Variants in GRIA2 observed in about 807,000 individuals in gnomAD.
GRIA2 encodes glutamate ionotropic receptor AMPA type subunit 2.
In GRIA2, 14 loss-of-function variants were observed where a neutral mutation model predicts 97.3. The ratio of observed to expected loss-of-function variants is 0.14; its 90% CI spans 0.10 to 0.23. GRIA2 has a LOEUF of 0.23. GRIA2 is among the 10% of genes least tolerant of loss of function. The pLI, the probability that GRIA2 is intolerant of heterozygous loss-of-function variation, is 1.00. For missense variants in GRIA2, 558 were observed against 1,069.8 expected (o/e 0.52, Z 6.67); for synonymous variants, 412 against 387.8 (o/e 1.06, Z -0.73).
chr4:157,276,628 A>C (rs1290766236), intron 2 of GRIA2, among the ~76,000 whole-genome samples: 1 of 151,862 alleles, frequency 6.6e-6, no homozygotes, highest in Non-Finnish European at 1.5e-5. Flanking sequence ...CAGTAATATC[A>C]ATCAGCTTCT....
chr4:157,245,982 C>T (rs1383863811), intron 2 of GRIA2, among the ~76,000 whole-genome samples: 1 of 152,018 alleles, frequency 6.6e-6, no homozygotes. Context: ...TCATATACAA[C>T]CTCATTCCAA....
chr4:157,240,637 C>T (rs1334591605), intron 2 of GRIA2, among the ~76,000 whole-genome samples: 2 of 151,914 alleles, frequency 1.3e-5, no homozygotes, highest in East Asian at 3.9e-4. Context: ...GTTGTCTGAA[C>T]CCGTCGATTT....
At chr4:157,295,850 T>G (rs1295107158) in intron 2 of GRIA2, among the ~76,000 whole-genome samples, 1 of 152,160 alleles carries the variant, frequency 6.6e-6, no homozygotes, top group African/African-American at 2.4e-5. Flanking sequence ...AATAATTGTA[T>G]TTTTAGGGGA....
At chr4:157,336,346 G>A in intron 10 of GRIA2, 31 bp from the exon 11 acceptor site, 1 of 1,495,648 alleles carries the variant, frequency 6.7e-7, no homozygotes, top group Non-Finnish European at 9.0e-7. Context: ...ATGACTCCAG[G>A]TACTATTACT....
At chr4:157,299,973 A>C (rs952813908) in intron 2 of GRIA2, among the ~76,000 whole-genome samples, 4 of 152,140 alleles carry the variant, frequency 2.6e-5, no homozygotes, top group Non-Finnish European at 4.4e-5. Flanking sequence ...ATGAGGATTC[A>C]TGTTTCTTTC....
At chr4:157,286,760 T>G (rs1386624733) in intron 2 of GRIA2, among the ~76,000 whole-genome samples, 1 of 151,564 alleles carries the variant, frequency 6.6e-6, no homozygotes, top group African/African-American at 2.4e-5. Flanking sequence ...AGGTTACAAT[T>G]TATTTTCTCC....
At chr4:157,267,804 G>A (rs1226532651) in intron 2 of GRIA2, among the ~76,000 whole-genome samples, 2 of 152,008 alleles carry the variant, frequency 1.3e-5, no homozygotes, top group African/African-American at 2.4e-5. Flanking sequence ...TGAGTAACAA[G>A]TTTCTGGATT....
intron 10 of GRIA2, 57 bp from the exon 11 acceptor site, chr4:157,336,320 C>A (rs545329654): frequency 6.6e-6 from 9 of 1,365,822 alleles, no homozygotes; most frequent in Non-Finnish European, 9.0e-6. Flanking sequence ...GACATAACCA[C>A]GATTCCTTTT....
At position 157,359,993 on chromosome 4, in the gene GRIA2, T is replaced by C. The variant is rs1736564794; in HGVS notation, c.2141T>C (p.Val714Ala). 1.2e-6 allele frequency: 2 copies of C among 1,613,584 alleles called. No homozygotes were observed. Among genetic ancestry groups the C allele is most frequent in the African/African-American group, 1.3e-5 (1 of 74,792 alleles). The change falls in exon 13 of 16, where the codon GTG (valine) becomes GCG (alanine). Residue 714 changes from valine to alanine, a missense_variant. Coordinates refer to ENST00000264426, the MANE Select transcript of GRIA2 (RefSeq NM_001083619.3). ...ACTACGGCCGAAGGGGTGGCTAGAG[T>C]GCGGAAGTCCAAAGGGAAATATGCC... is the stretch of plus-strand genomic sequence containing the variant. Reference protein sequence around the residue: ...VRTTAEGVARVRKSKGKYAYL... With the variant: ...VRTTAEGVARARKSKGKYAYL...
intron 4 of GRIA2, 136 bp downstream of exon 4, chr4:157,313,011 A>G: frequency 2.1e-6 from 1 of 479,218 alleles, no homozygotes; most frequent in Non-Finnish European, 3.7e-6. Flanking sequence ...AGCAAAGATC[A>G]TCAATTAAAT....
At chr4:157,362,101 C>A (rs1479074696) in intron 14 of GRIA2, among the ~76,000 whole-genome samples, 1 of 152,056 alleles carries the variant, frequency 6.6e-6, no homozygotes, top group East Asian at 1.9e-4. Context: ...TATTGAATGG[C>A]AAAGCTTTGT....
At chr4:157,302,423 A>C in intron 2 of GRIA2, among the ~76,000 whole-genome samples, 1 of 152,176 alleles carries the variant, frequency 6.6e-6, no homozygotes, top group East Asian at 1.9e-4. Context: ...CTAGTTGGGT[A>C]AGATAAGCCA....
chr4:157,345,827 G>A (rs1735741381), intron 12 of GRIA2, among the ~76,000 whole-genome samples: 2 of 151,954 alleles, frequency 1.3e-5, no homozygotes, highest in Admixed American at 6.6e-5. Context: ...GATAATTTTG[G>A]AAGAAAAAAA....
chr4:157,221,988 C>A (rs557556802), intron 2 of GRIA2, among the ~76,000 whole-genome samples, 181 bp downstream of exon 2: 1 of 150,028 alleles, frequency 6.7e-6, no homozygotes, highest in South Asian at 2.1e-4. Context: ...ATCTCAGGGA[C>A]CCCCGCTGGC....
At chr4:157,313,759 ATATGCATATATGTACATATATATG>A (rs1734190191) in intron 4 of GRIA2, among the ~76,000 whole-genome samples, 4 of 151,852 alleles carry the variant, frequency 2.6e-5, no homozygotes, top group Admixed American at 6.6e-5. Flanking sequence ...GTGTGTATAC[ATATGCATATATGTACATATATATG>A]TGCACATATA....
chr4:157,363,795 G>A lies in GRIA2; in HGVS notation c.*364G>A. ...TCTACTCGAGTTACAGACAAAGCGT[G>A]GTGGACATGCACAGCTAACATGGAA... On this transcript the variant is annotated 3_prime_UTR_variant, in exon 16 of 16. Transcript: ENST00000264426. 2.7e-6 allele frequency: 1 copy of A among 367,126 alleles called. No homozygotes were observed. The allele number at this position is 367,126 out of a possible 1,614,324, so 22.7% of individuals were successfully genotyped here. A position where few individuals can be genotyped will look rare whatever the true frequency, so the allele number is the denominator to read the frequency against.
intron 12 of GRIA2, among the ~76,000 whole-genome samples, chr4:157,357,138 T>G (rs1295930834): frequency 1.3e-5 from 2 of 152,180 alleles, no homozygotes; most frequent in African/African-American, 4.8e-5. Context: ...TCTAAGACTC[T>G]TTCTGATATG....
rs1396490464 is a variant in GRIA2 at position 157,351,785 on chromosome 4, C to A, written c.2044-8111C>A. On this transcript the variant is annotated intron_variant, in intron 12 of 15. Transcript: ENST00000264426. ...CTGATGGTTTTATAAGTGGCTCTTACCCTTTGCTCCATACTTCTTCCCGCC... is the reference window on the plus strand; with the variant it reads ...CTGATGGTTTTATAAGTGGCTCTTAACCTTTGCTCCATACTTCTTCCCGCC... Among the ~76,000 whole-genome samples, 5 of 152,134 alleles carry A rather than the reference C, an allele frequency of 3.3e-5. No individual in the cohort carries two copies. The East Asian group carries it at 5.8e-4, about 18-fold the overall frequency.
chr4:157,333,756 A>G (rs924336797), intron 8 of GRIA2, among the ~76,000 whole-genome samples: 1 of 152,052 alleles, frequency 6.6e-6, no homozygotes, highest in Non-Finnish European at 1.5e-5. Context: ...TTACATTTCT[A>G]TATGACCACT....
Sources: gnomAD v4.1 joint callset for allele counts (sites outside exome capture counted in the v4.1 genomes callset) on GRCh38, gnomAD v4.1.1 for gene constraint, MANE v1.5 for transcripts, NCBI Gene and HGNC (gene_info 2026-07-23, HGNC 2026-07-21) for gene names.